The following KITLG variants were observed in gnomAD, a reference collection of about 807,000 sequenced individuals.
KITLG encodes the protein KIT ligand, also known as c-Kit ligand.
A neutral mutation model predicts 34.1 loss-of-function variants in KITLG; 13 were observed. The ratio of observed to expected loss-of-function variants is 0.38; its 90% CI spans 0.25 to 0.61. KITLG has a LOEUF of 0.61. Ranked by LOEUF, KITLG falls within the 20% of genes least tolerant of loss-of-function variation. KITLG has a pLI of 0.60. For missense variants in KITLG, 292 were observed against 318.9 expected, an observed-to-expected ratio of 0.92 and a Z score of 0.64; for synonymous variants, 110 against 104.0, an observed-to-expected ratio of 1.06 and a Z score of -0.35.
At chr12:88,570,763 A>T (rs115270154) in intron 1 of KITLG, among the ~76,000 whole-genome samples, 183 of 152,292 alleles carry the variant, frequency 1.2e-3, no homozygotes, top group African/African-American at 4.2e-3. Flanking sequence ...GTTAAAAAAA[A>T]TGATGCCAAA....
intron 1 of KITLG, 155 bp downstream of exon 1, chr12:88,580,109 A>C (rs1473593290): frequency 3.8e-6 from 3 of 796,070 alleles, no homozygotes; most frequent in Admixed American, 2.1e-5. Context: ...TCGGGATCAC[A>C]CACCACGCCG....
intron 1 of KITLG, among the ~76,000 whole-genome samples, chr12:88,568,536 T>C (rs901778057): frequency 1.3e-5 from 2 of 152,198 alleles, no homozygotes; most frequent in South Asian, 4.1e-4. Context: ...AATGAGGATA[T>C]TGGGGCCTAG....
chr12:88,506,425 T>C (rs753791444), intron 7 of KITLG, 47 bp from the exon 8 acceptor site: 2 of 1,348,338 alleles, frequency 1.5e-6, no homozygotes, highest in Non-Finnish European at 2.1e-6. Flanking sequence ...CAATGAATGG[T>C]CTAATATTTA....
intron 1 of KITLG, among the ~76,000 whole-genome samples, chr12:88,557,897 C>A (rs1255544952): frequency 6.6e-6 from 1 of 151,998 alleles, no homozygotes; most frequent in Non-Finnish European, 1.5e-5. Context: ...CCCTGATGTA[C>A]AAGAATCTGA....
At chr12:88,519,446 A>G (rs1381172225) in intron 3 of KITLG, among the ~76,000 whole-genome samples, 1 of 152,206 alleles carries the variant, frequency 6.6e-6, no homozygotes, top group Admixed American at 6.5e-5. Context: ...TAAGAATAAC[A>G]TTGAATTGGC....
At chr12:88,524,584 G>A (rs1297950984) in intron 3 of KITLG, among the ~76,000 whole-genome samples, 3 of 151,666 alleles carry the variant, frequency 2.0e-5, no homozygotes, top group African/African-American at 4.8e-5. Flanking sequence ...TCAGCTGCTC[G>A]TTTTTATTTA....
intron 1 of KITLG, among the ~76,000 whole-genome samples, chr12:88,555,959 GC>G (rs1269754731): frequency 6.6e-6 from 1 of 152,006 alleles, no homozygotes; most frequent in African/African-American, 2.4e-5. Context: ...TCCCTCAACT[GC>G]CCCCTGCCCC....
At chr12:88,546,081 T>C (rs915762674) in intron 1 of KITLG, 1 of 621,664 alleles carries the variant, frequency 1.6e-6, no homozygotes, top group Non-Finnish European at 2.9e-6. Context: ...AATGACAATA[T>C]TGTTAACTTT....
chr12:88,576,008 G>A (rs956910692), intron 1 of KITLG, among the ~76,000 whole-genome samples: 91 of 152,030 alleles, frequency 6.0e-4, no homozygotes, highest in African/African-American at 1.9e-3. Flanking sequence ...AAGCAAGTGC[G>A]AGAACATTAG....
At chr12:88,573,881 C>A (rs1730814603) in intron 1 of KITLG, among the ~76,000 whole-genome samples, 1 of 152,132 alleles carries the variant, frequency 6.6e-6, no homozygotes, top group African/African-American at 2.4e-5. Flanking sequence ...TTGTGAGCAA[C>A]AGACAAAGTT....
rs944755324 is a variant in KITLG, at chr12:88,493,213, C to T, written c.*4006G>A. Reference sequence around the variant, plus strand: ...AGTATTGTAGCTCAGAGATCAAGTACTGGAAAACGGTGTGGTTTTTAGTTT... The same window carrying T: ...AGTATTGTAGCTCAGAGATCAAGTATTGGAAAACGGTGTGGTTTTTAGTTT... On this transcript the variant is annotated 3_prime_UTR_variant, in exon 10 of 10. Coordinates refer to ENST00000644744, the MANE Select transcript of KITLG (RefSeq NM_000899.5). The T allele has an allele frequency of 6.6e-6, 1 of 152,120 alleles. No individual in the cohort carries two copies. Among genetic ancestry groups the T allele is most frequent in the Admixed American group, 6.6e-5 (1 of 15,176 alleles). The allele number at this position is 152,120 out of a possible 1,614,324, so 9.4% of individuals were successfully genotyped here. A position where few individuals can be genotyped will look rare whatever the true frequency, so the allele number is the denominator to read the frequency against.
intron 1 of KITLG, among the ~76,000 whole-genome samples, chr12:88,550,928 T>C (rs892847465): frequency 3.3e-5 from 5 of 152,220 alleles, no homozygotes; most frequent in African/African-American, 1.2e-4. Flanking sequence ...CAGACTGCTA[T>C]AATAATTGAA....
intron 1 of KITLG, among the ~76,000 whole-genome samples, chr12:88,549,782 G>A (rs966439543): frequency 1.3e-5 from 2 of 152,132 alleles, no homozygotes; most frequent in African/African-American, 2.4e-5. Context: ...AGATCACCAA[G>A]GGAGTGAGTA....
chr12:88,577,751 G>A (rs1871878462), intron 1 of KITLG, among the ~76,000 whole-genome samples: 2 of 152,154 alleles, frequency 1.3e-5, no homozygotes, highest in African/African-American at 4.8e-5. Context: ...CTAAATGAAT[G>A]AATCATTCAT....
At chr12:88,560,842 C>T (rs1423062265) in intron 1 of KITLG, among the ~76,000 whole-genome samples, 3 of 151,682 alleles carry the variant, frequency 2.0e-5, no homozygotes, top group African/African-American at 7.3e-5. Flanking sequence ...GTGGCATGCG[C>T]CTGTAGTCCC....
intron 2 of KITLG, chr12:88,534,691 C>T (rs1451798799): frequency 1.9e-6 from 1 of 515,840 alleles, no homozygotes; most frequent in East Asian, 5.6e-5. Context: ...GAAAACACAC[C>T]TGAGCTGCCA....
At chr12:88,544,170 A>G (rs991095570) in intron 2 of KITLG, among the ~76,000 whole-genome samples, 3 of 152,140 alleles carry the variant, frequency 2.0e-5, no homozygotes, top group Non-Finnish European at 4.4e-5. Context: ...ATAAAATAGT[A>G]ACAGTGTCTA....
chr12:88,563,120 C>T (rs1871345934), intron 1 of KITLG, among the ~76,000 whole-genome samples: 1 of 152,108 alleles, frequency 6.6e-6, no homozygotes, highest in Non-Finnish European at 1.5e-5. Context: ...AGTTGCAATC[C>T]ATTAACATTT....
Position 88,496,815 on chromosome 12 carries a change from A to G in KITLG, c.*404T>C. On this transcript the variant is annotated 3_prime_UTR_variant, in exon 10 of 10. Coordinates refer to ENST00000644744, the MANE Select transcript of KITLG (RefSeq NM_000899.5). ...TCTACTTGCAGAGACCAGGATAACT[A>G]CAGGCTGCAGTTTGTATCTGAAGAA... The G allele has an allele frequency of 6.4e-6, 1 of 155,552 alleles. No homozygotes were observed. Among genetic ancestry groups the G allele is most frequent in the Non-Finnish European group, 1.4e-5 (1 of 69,918 alleles). The allele number at this position is 155,552 out of a possible 1,614,324, so 9.6% of individuals were successfully genotyped here. A position where few individuals can be genotyped will look rare whatever the true frequency, so the allele number is the denominator to read the frequency against.
Sources: allele counts gnomAD v4.1 joint callset (sites outside exome capture counted in the v4.1 genomes callset), GRCh38; gene constraint gnomAD v4.1.1; transcripts MANE v1.5; gene names NCBI Gene and HGNC (gene_info 2026-07-23, HGNC 2026-07-21).